Variants in TTL observed in about 807,000 individuals in gnomAD.
TTL encodes tubulin--tyrosine ligase.
Under a neutral mutation model 41.1 loss-of-function variants are expected in TTL, and 10 were observed. The observed-to-expected ratio is 0.24, with a 90% confidence interval of 0.15 to 0.41. TTL has a LOEUF of 0.41. Ranked by LOEUF, TTL falls within the 10% of genes least tolerant of loss-of-function variation. TTL has a pLI of 1.00. For synonymous variants in TTL, 175 were observed against 175.5 expected (o/e 1.00, Z 0.02); for missense variants, 367 against 460.4 (o/e 0.80, Z 1.86).
chr2:112,490,060 A>G (rs1681338066), intron 2 of TTL, among the ~76,000 whole-genome samples: 1 of 152,214 alleles, frequency 6.6e-6, no homozygotes. Context: ...CTGGAGAATC[A>G]TTGAGTATAT....
At chr2:112,497,679 A>G (rs1447902377) in intron 3 of TTL, among the ~76,000 whole-genome samples, 1 of 151,852 alleles carries the variant, frequency 6.6e-6, no homozygotes, top group African/African-American at 2.4e-5. Context: ...CTTGTTCAAG[A>G]AGCTCACCAG....
chr2:112,493,150 T>A (rs1681435767), intron 2 of TTL, among the ~76,000 whole-genome samples: 1 of 152,236 alleles, frequency 6.6e-6, no homozygotes, highest in Non-Finnish European at 1.5e-5. Flanking sequence ...TGTCGTTATT[T>A]CCACCATTTG....
chr2:112,519,550 G>GTTTTTTT (rs34836273), intron 5 of TTL, among the ~76,000 whole-genome samples: 1 of 110,518 alleles, frequency 9.0e-6, no homozygotes, highest in Non-Finnish European at 1.8e-5. Context: ...AGGTCAACAT[G>GTTTTTTT]TTTTTTTTTT....
intron 5 of TTL, among the ~76,000 whole-genome samples, chr2:112,518,827 A>G (rs1682145910): frequency 6.6e-6 from 1 of 152,040 alleles, no homozygotes; most frequent in Non-Finnish European, 1.5e-5. Flanking sequence ...GGCACCTGCC[A>G]CTATGCCTGG....
In TTL at chr2:112,528,828, A is replaced by T. The variant is rs1682433152; in HGVS notation, c.*33A>T. 6.6e-7 allele frequency: 1 copy of T among 1,513,654 alleles called. No individual in the cohort carries two copies. Among genetic ancestry groups the T allele is most frequent in the South Asian group, 1.1e-5 (1 of 89,094 alleles). 93.8% of individuals were successfully genotyped at this position (1,513,654 alleles called of 1,614,324 possible). The stretch of plus-strand genomic sequence containing the variant: ...CACTCCCTGCTGCCTTGGAAAAAGC[A>T]CGGGGTCCTGCTCCAGGGAATGGTG... On this transcript the variant is annotated 3_prime_UTR_variant, in exon 7 of 7. Transcript: ENST00000233336.
At position 112,539,110 on chromosome 2, in the gene TTL, C is replaced by CCAA. The variant is rs1682660019; in HGVS notation, c.*10315_*10316insCAA. 1 of 79,462 alleles carries CCAA rather than the reference C, an allele frequency of 1.3e-5. No individual in the cohort carries two copies. The highest frequency in any genetic ancestry group is 6.4e-5 in the African/African-American group (1 of 15,684). The allele number at this position is 79,462 out of a possible 1,614,324, so 4.9% of individuals were successfully genotyped here. On this transcript the variant is annotated 3_prime_UTR_variant, in exon 7 of 7. Coordinates refer to ENST00000233336, the MANE Select transcript of TTL (RefSeq NM_153712.5). ...CCAGCCTGGGTGACAGAGACTCTGT[C>CCAA]TAAAAAAAAAAAAAAAAAAAAAAAA...
Position 112,536,897 on chromosome 2 carries a change from T to G in TTL, c.*8102T>G, listed in dbSNP as rs779960678. On this transcript the variant is annotated 3_prime_UTR_variant, in exon 7 of 7. Transcript: ENST00000233336. The stretch of plus-strand genomic sequence containing the variant: ...GCTGCATAGTATTCCATGGTATATA[T>G]GTACTATATTTTCTTTATCCAATCC... The G allele has an allele frequency of 6.6e-6, 1 of 152,254 alleles. No homozygotes were observed. The highest frequency in any genetic ancestry group is 1.5e-5 in the Non-Finnish European group (1 of 68,054). The allele number at this position is 152,254 out of a possible 1,614,324, so 9.4% of individuals were successfully genotyped here.
intron 2 of TTL, 147 bp from the exon 3 acceptor site, chr2:112,493,996 C>G: frequency 1.6e-6 from 1 of 643,584 alleles, no homozygotes; most frequent in African/African-American, 1.8e-5. Flanking sequence ...GAGCTTTGTC[C>G]AGGGAGACTA....
intron 3 of TTL, among the ~76,000 whole-genome samples, chr2:112,495,974 A>G (rs371441902): frequency 9.8e-4 from 149 of 152,370 alleles, no homozygotes; most frequent in African/African-American, 3.5e-3. Flanking sequence ...TGAGACAGGA[A>G]GGCCTCAACT....
At chr2:112,503,401 G>A (rs11675090) in intron 5 of TTL, among the ~76,000 whole-genome samples, 70 of 128,370 alleles carry the variant, frequency 5.5e-4, no homozygotes, top group African/African-American at 1.7e-3. Flanking sequence ...GTGTGTGTGT[G>A]TGTATATATA....
chr2:112,529,891 CCA>C lies in TTL; in HGVS notation c.*1101_*1102del. 4.4e-6 allele frequency: 1 copy of C among 224,860 alleles called. No individual in the cohort carries two copies. The highest frequency in any genetic ancestry group is 1.8e-4 in the South Asian group (1 of 5,448). 13.9% of individuals were successfully genotyped at this position (224,860 alleles called of 1,614,324 possible). A position where few individuals can be genotyped will look rare whatever the true frequency, so the allele number is the denominator to read the frequency against. ...AAATGGGAAAGAAGTGGTTTCATCT[CCA>C]CACAGTGTCTTGTAAATCTCAACAA... is the stretch of plus-strand genomic sequence containing the variant. On this transcript the variant is annotated 3_prime_UTR_variant, in exon 7 of 7. Coordinates refer to ENST00000233336, the MANE Select transcript of TTL (RefSeq NM_153712.5).
intron 3 of TTL, 99 bp downstream of exon 3, chr2:112,494,474 G>T (rs1203346281): frequency 1.1e-6 from 1 of 930,118 alleles, no homozygotes; most frequent in African/African-American, 1.7e-5. Context: ...ATCGAAGGTT[G>T]AGACCGTGTC....
chr2:112,510,124 A>G (rs950319773), intron 5 of TTL, among the ~76,000 whole-genome samples: 1 of 151,356 alleles, frequency 6.6e-6, no homozygotes, highest in African/African-American at 2.4e-5. Flanking sequence ...CTCTTTTTCT[A>G]GTTGTGCTTT....
chr2:112,494,248 T>C lies in TTL; in HGVS notation c.342T>C (p.Asn114=), dbSNP rs1018221944. The C allele has an allele frequency of 3.1e-6, 5 of 1,614,086 alleles. No homozygotes were observed. The highest frequency in any genetic ancestry group is 4.2e-6 in the Non-Finnish European group (5 of 1,180,050). Residue 114 remains asparagine, a synonymous_variant, in exon 3 of 7, where the codon AAT becomes AAC. Coordinates refer to ENST00000233336, the MANE Select transcript of TTL (RefSeq NM_153712.5). ...AGACTCCAGTTGCTCCAGCACAGAA[T>C]GGAATTCAGCCACCAATCAGTAACT... is the stretch of plus-strand genomic sequence containing the variant. ...NLKTPVAPAQ[N]GIQPPISNSR...
chr2:112,488,340 G>C (rs1355225278), intron 2 of TTL, among the ~76,000 whole-genome samples: 1 of 152,232 alleles, frequency 6.6e-6, no homozygotes, highest in Non-Finnish European at 1.5e-5. Context: ...TCTTGGTTCT[G>C]TGCAGGAAAT....
chr2:112,516,630 C>G (rs1470568083), intron 5 of TTL, among the ~76,000 whole-genome samples: 1 of 152,158 alleles, frequency 6.6e-6, no homozygotes, highest in Non-Finnish European at 1.5e-5. Flanking sequence ...GCCAAGATCG[C>G]ATCACTGCAC....
chr2:112,496,171 C>T (rs1167974113), intron 3 of TTL, among the ~76,000 whole-genome samples: 1 of 152,142 alleles, frequency 6.6e-6, no homozygotes, highest in Non-Finnish European at 1.5e-5. Context: ...TCAGAATGGC[C>T]ACTGTGAGGA....
chr2:112,511,810 A>G (rs991002570), intron 5 of TTL, among the ~76,000 whole-genome samples: 2 of 151,966 alleles, frequency 1.3e-5, no homozygotes, highest in African/African-American at 2.4e-5. Context: ...GGCTCAAGCA[A>G]TCTACACACT....
intron 6 of TTL, among the ~76,000 whole-genome samples, chr2:112,527,506 G>A (rs574683830): frequency 6.6e-6 from 1 of 152,260 alleles, no homozygotes; most frequent in African/African-American, 2.4e-5. Flanking sequence ...CCTGTATTGG[G>A]TGCATATATA....
Sources: allele counts gnomAD v4.1 joint callset (sites outside exome capture counted in the v4.1 genomes callset), GRCh38; gene constraint gnomAD v4.1.1; transcripts MANE v1.5; gene names NCBI Gene and HGNC (gene_info 2026-07-23, HGNC 2026-07-21).